SPATA45: variants seen among roughly 807,000 people sequenced by gnomAD.
SPATA45 encodes spermatogenesis associated 45.
SPATA45 carries 5 observed loss-of-function variants against 7.0 expected under a neutral mutation model. The ratio of observed to expected loss-of-function variants is 0.71; its 90% CI spans 0.37 to 1.50. The LOEUF (loss-of-function observed/expected upper bound fraction) is 1.50, where lower values mean the gene tolerates loss of function less well. Among genes scored for constraint, SPATA45 ranks in the 40% most tolerant of loss-of-function variants. SPATA45 has a pLI of 0.03. For synonymous variants in SPATA45, 40 were observed against 38.7 expected (o/e 1.03, Z -0.13); for missense variants, 111 against 114.9 (o/e 0.97, Z 0.16).
At chr1:212,834,581 G>A (rs1211550381) in intron 2 of SPATA45, among the ~76,000 whole-genome samples, 1 of 151,206 alleles carries the variant, frequency 6.6e-6, no homozygotes, top group Non-Finnish European at 1.5e-5. Flanking sequence ...CTCCCAAGTA[G>A]CTGGGACTAA....
chr1:212,846,597 CCACTT>C (rs1193683795), intron 1 of SPATA45, among the ~76,000 whole-genome samples: 1 of 152,212 alleles, frequency 6.6e-6, no homozygotes, highest in Non-Finnish European at 1.5e-5. Flanking sequence ...TCTCCCCCCT[CCACTT>C]AAGAAGGTAC....
At chr1:212,846,878 TC>T (rs1370555771) in intron 1 of SPATA45, among the ~76,000 whole-genome samples, 3 of 152,170 alleles carry the variant, frequency 2.0e-5, no homozygotes, top group Non-Finnish European at 2.9e-5. Context: ...CTTTGAAACT[TC>T]TTTTTCTTTT....
intron 2 of SPATA45, among the ~76,000 whole-genome samples, chr1:212,834,393 A>G (rs974960475): frequency 6.6e-6 from 1 of 151,248 alleles, no homozygotes; most frequent in Non-Finnish European, 1.5e-5. Flanking sequence ...TCTTCCTCCT[A>G]TAAAATAATA....
At chr1:212,839,290 T>G in intron 1 of SPATA45, among the ~76,000 whole-genome samples, 1 of 147,360 alleles carries the variant, frequency 6.8e-6, no homozygotes, top group Non-Finnish European at 1.5e-5. Flanking sequence ...CAAATCAGAA[T>G]GTATAGTGTA....
Position 212,836,006 on chromosome 1 carries a change from C to G in SPATA45, c.144G>C (p.Lys48Asn). ...ACTGATAGGCATCCGGGAAGTGCCT[C>G]TTTTGAACTCTCAGTAAGCTGACTT... Reference protein sequence around the residue: ...SNQVSLLRVQKRHFPDAYQSF... With the variant: ...SNQVSLLRVQNRHFPDAYQSF... The change falls in exon 2 of 3, where the codon AAG becomes AAC. Residue 48 changes from lysine to asparagine, a missense_variant. Physicochemically the swap from Lys to Asn is moderately conservative, Grantham distance 94 (BLOSUM62 0). Transcript: ENST00000332912. 6.2e-7 allele frequency: 1 copy of G among 1,611,496 alleles called. No individual in the cohort carries two copies. Among genetic ancestry groups the G allele is most frequent in the Non-Finnish European group, 8.5e-7 (1 of 1,178,106 alleles).
chr1:212,843,237 C>G (rs1663724918), intron 1 of SPATA45, among the ~76,000 whole-genome samples: 1 of 151,606 alleles, frequency 6.6e-6, no homozygotes, highest in Non-Finnish European at 1.5e-5. Flanking sequence ...TTGCGGTGAG[C>G]CAAGACCGCA....
rs554552464 is a variant in SPATA45, at chr1:212,833,190, A to G, written c.277+2683T>C. 5.3e-5 allele frequency among the ~76,000 whole-genome samples: 8 copies of G among 151,742 alleles called. 1 individual carries two copies. The South Asian group carries it at 1.5e-3, about 28-fold the overall frequency. The stretch of plus-strand genomic sequence containing the variant: ...TGATTTCTGAGATTTTGGTGCACCC[A>G]TCAACCGAGCATATAGTCTTTTATT... On this transcript the variant is annotated intron_variant, in intron 2 of 2. Coordinates refer to ENST00000332912, the MANE Select transcript of SPATA45 (RefSeq NM_001024601.3).
intron 1 of SPATA45, among the ~76,000 whole-genome samples, chr1:212,840,775 G>T (rs765199799): frequency 6.6e-6 from 1 of 151,092 alleles, no homozygotes; most frequent in South Asian, 2.1e-4. Flanking sequence ...CCGCCACCAC[G>T]CCCGGCTAAT....
chr1:212,840,423 C>CTTT (rs1663659842), intron 1 of SPATA45, among the ~76,000 whole-genome samples: 4 of 152,154 alleles, frequency 2.6e-5, no homozygotes, highest in Non-Finnish European at 4.4e-5. Flanking sequence ...AACAAACACA[C>CTTT]AAAATTAATT....
intron 1 of SPATA45, among the ~76,000 whole-genome samples, chr1:212,839,699 G>A (rs896606473): frequency 6.6e-6 from 1 of 151,588 alleles, no homozygotes; most frequent in African/African-American, 2.4e-5. Flanking sequence ...AATGGGGAAA[G>A]GTAGGCAGCA....
intron 2 of SPATA45, among the ~76,000 whole-genome samples, chr1:212,831,221 C>T (rs993347449): frequency 6.6e-6 from 1 of 151,104 alleles, no homozygotes; most frequent in African/African-American, 2.4e-5. Context: ...GTAATCCCAG[C>T]GCTTTGGGAG....
At position 212,840,295 on chromosome 1, in the gene SPATA45, A is replaced by G. The variant is rs556550597; in HGVS notation, c.-38-4108T>C. ...CGTGGTGGCGCGCACCTGTAATCCC[A>G]GCTACTTGGAAGGCTGATTCGGAAG... On this transcript the variant is annotated intron_variant, in intron 1 of 2. Transcript: ENST00000332912. 1.0e-3 allele frequency among the ~76,000 whole-genome samples: 145 copies of G among 145,044 alleles called. 2 individuals are homozygous for G. Among genetic ancestry groups the G allele is most frequent in the African/African-American group, 3.4e-3 (138 of 41,018 alleles).
At chr1:212,832,180 A>G (rs6686145) in intron 2 of SPATA45, among the ~76,000 whole-genome samples, 96,891 of 149,454 alleles carry the variant, frequency 0.65, 32,341 homozygotes, top group Non-Finnish European at 0.68. Context: ...CACCATGCCC[A>G]GCTAATTTTT....
In SPATA45 at chr1:212,838,282, C is replaced by T. The variant is rs928240559; in HGVS notation, c.-38-2095G>A. On this transcript the variant is annotated intron_variant, in intron 1 of 2. Coordinates refer to ENST00000332912, the MANE Select transcript of SPATA45 (RefSeq NM_001024601.3). ...TCATAGCACTACACTCCAGCTTGGG[C>T]GGCAGAGCAGGACTTTGTCTAAAAA... is the stretch of plus-strand genomic sequence containing the variant. Among the ~76,000 whole-genome samples the T allele has an allele frequency of 2.1e-5, 3 of 142,254 alleles. 1 individual carries two copies. Among genetic ancestry groups the T allele is most frequent in the South Asian group, 4.7e-4 (2 of 4,280 alleles). The allele number at this position is 142,254 out of a possible 152,430, so 93.3% of individuals were successfully genotyped here.
intron 1 of SPATA45, among the ~76,000 whole-genome samples, chr1:212,846,411 A>G (rs1663795394): frequency 6.6e-6 from 1 of 152,172 alleles, no homozygotes; most frequent in Non-Finnish European, 1.5e-5. Flanking sequence ...AAGCTAAGCC[A>G]TCATATCCCC....
chr1:212,841,021 A>G (rs1293669789), intron 1 of SPATA45, among the ~76,000 whole-genome samples: 2 of 150,692 alleles, frequency 1.3e-5, no homozygotes, highest in African/African-American at 4.9e-5. Context: ...GCTCACTGCA[A>G]CCCTGACTCC....
chr1:212,837,477 C>T (rs1445480761), intron 1 of SPATA45, among the ~76,000 whole-genome samples: 2 of 151,088 alleles, frequency 1.3e-5, no homozygotes, highest in Non-Finnish European at 3.0e-5. Flanking sequence ...ACTAAAAATA[C>T]AAAAAATTAG....
chr1:212,845,214 T>C (rs1663770564), intron 1 of SPATA45, among the ~76,000 whole-genome samples: 1 of 152,144 alleles, frequency 6.6e-6, no homozygotes, highest in African/African-American at 2.4e-5. Flanking sequence ...CTCAAGAAAA[T>C]CACTTCTCAG....
rs752814044 is a variant in SPATA45 at position 212,836,120 on chromosome 1, T to C, written c.30A>G (p.Ile10Met). 16 of 1,606,358 alleles carry C rather than the reference T, an allele frequency of 1.0e-5. 1 individual carries two copies. The highest frequency in any genetic ancestry group is 1.7e-4 in the Middle Eastern group (1 of 6,054). Reference protein sequence around the residue: MASINRTIEIMKKHGVSKQH... With the variant: MASINRTIEMMKKHGVSKQH... ...GTTTGCTTACTCCATGTTTTTTCATTATTTCAATGGTTCTGTTTATAGATG... is the reference window on the plus strand; with the variant it reads ...GTTTGCTTACTCCATGTTTTTTCATCATTTCAATGGTTCTGTTTATAGATG... Residue 10 changes from isoleucine to methionine, a missense_variant, in exon 2 of 3, where the codon ATA becomes ATG. By Grantham distance (10) the Ile-to-Met change is conservative. Transcript: ENST00000332912.
Sources: gnomAD v4.1 joint callset for allele counts (sites outside exome capture counted in the v4.1 genomes callset) on GRCh38, gnomAD v4.1.1 for gene constraint, MANE v1.5 for transcripts, NCBI Gene and HGNC (gene_info 2026-07-23, HGNC 2026-07-21) for gene names.